FHIT: variants seen among roughly 807,000 people sequenced by gnomAD.
FHIT encodes the protein fragile histidine triad diadenosine triphosphatase.
Under a neutral mutation model 17.9 loss-of-function variants are expected in FHIT, and 19 were observed. The ratio of observed to expected loss-of-function variants is 1.06; its 90% CI spans 0.74 to 1.56. The LOEUF is 1.56. Ranked by LOEUF, FHIT falls within the 40% of genes most tolerant of loss-of-function variation. FHIT has a pLI of 0.00. For synonymous variants in FHIT, 81 were observed against 69.7 expected, an observed-to-expected ratio of 1.16 and a Z score of -0.81; for missense variants, 248 against 189.2, an observed-to-expected ratio of 1.31 and a Z score of -1.82.
chr3:60,237,554 G>C (rs1460908322), intron 5 of FHIT, among the ~76,000 whole-genome samples: 1 of 152,120 alleles, frequency 6.6e-6, no homozygotes, highest in African/African-American at 2.4e-5. Context: ...AGAATCCTGT[G>C]AAATAGAAAC....
chr3:60,804,776 C>T (rs925427548), intron 4 of FHIT, among the ~76,000 whole-genome samples: 2 of 152,200 alleles, frequency 1.3e-5, no homozygotes, highest in Non-Finnish European at 2.9e-5. Context: ...ACTGTCCTTC[C>T]TCCATTGCAC....
chr3:60,622,914 C>T (rs2039175035), intron 4 of FHIT, among the ~76,000 whole-genome samples: 2 of 152,228 alleles, frequency 1.3e-5, no homozygotes, highest in African/African-American at 4.8e-5. Flanking sequence ...TGCACCCAAC[C>T]AGGCAGGGAT....
At chr3:60,852,124 A>C (rs563691926) in intron 3 of FHIT, among the ~76,000 whole-genome samples, 1 of 152,084 alleles carries the variant, frequency 6.6e-6, no homozygotes, top group Non-Finnish European at 1.5e-5. Context: ...TGAAGGCTTG[A>C]TTAGGACAAA....
intron 2 of FHIT, among the ~76,000 whole-genome samples, chr3:61,185,533 C>G (rs1478664017): frequency 6.6e-6 from 1 of 152,190 alleles, no homozygotes; most frequent in East Asian, 1.9e-4. Context: ...GTCAGCATTC[C>G]AATCCATCCC....
At chr3:61,078,426 A>C (rs2035034490) in intron 2 of FHIT, among the ~76,000 whole-genome samples, 1 of 152,124 alleles carries the variant, frequency 6.6e-6, no homozygotes, top group Non-Finnish European at 1.5e-5. Flanking sequence ...CTACCAAAAA[A>C]GGGGGGCCTT....
In FHIT at chr3:60,016,346, T is replaced by C. The variant is rs190839020; in HGVS notation, c.104-2194A>G. 4.0e-3 allele frequency among the ~76,000 whole-genome samples: 604 copies of C among 152,320 alleles called. 10 individuals carry two copies. The highest frequency in any genetic ancestry group is 4.1e-3 in the Non-Finnish European group (276 of 68,036). On this transcript the variant is annotated intron_variant, in intron 5 of 9. Coordinates refer to ENST00000492590, the MANE Select transcript of FHIT (RefSeq NM_002012.4). ...GTCAATAGTTATAATTTAGGTTGTA[T>C]AGCTGACAAGGAGATTTCTCACAGT...
intron 2 of FHIT, among the ~76,000 whole-genome samples, chr3:61,068,659 G>A (rs924313043): frequency 2.7e-5 from 4 of 150,912 alleles, no homozygotes; most frequent in Admixed American, 2.0e-4. Context: ...GATATCTTTG[G>A]GGGGAGGGCG....
intron 1 of FHIT, among the ~76,000 whole-genome samples, chr3:61,240,279 G>T (rs1211400449): frequency 3.9e-5 from 6 of 152,266 alleles, no homozygotes; most frequent in African/African-American, 1.4e-4. Context: ...TCCCTCTTCT[G>T]AAGGTATCAG....
At chr3:60,690,784 C>T (rs1477737771) in intron 4 of FHIT, 3 of 343,322 alleles carry the variant, frequency 8.7e-6, no homozygotes, top group Non-Finnish European at 1.7e-5. Flanking sequence ...GAATTCTTAA[C>T]TTCAATTTCT....
intron 8 of FHIT, among the ~76,000 whole-genome samples, chr3:59,765,645 G>C (rs1185184086): frequency 6.6e-6 from 1 of 152,192 alleles, no homozygotes; most frequent in Non-Finnish European, 1.5e-5. Flanking sequence ...CATTGCGGTT[G>C]AGAAGATATA....
intron 5 of FHIT, among the ~76,000 whole-genome samples, chr3:60,380,347 CTA>C (rs1700746497): frequency 6.6e-6 from 1 of 152,204 alleles, no homozygotes; most frequent in Admixed American, 6.5e-5. Flanking sequence ...TGCCATGATA[CTA>C]AGTTTCCTCT....
At chr3:60,703,592 T>C (rs1354134753) in intron 4 of FHIT, among the ~76,000 whole-genome samples, 12 of 152,140 alleles carry the variant, frequency 7.9e-5, no homozygotes, top group African/African-American at 2.9e-4. Flanking sequence ...CATATGAAAA[T>C]GAAATTAGCA....
At chr3:60,635,310 A>C (rs1470299719) in intron 4 of FHIT, among the ~76,000 whole-genome samples, 1 of 152,150 alleles carries the variant, frequency 6.6e-6, no homozygotes, top group Non-Finnish European at 1.5e-5. Context: ...TTATGAATGC[A>C]TAAAGGCCAA....
At chr3:61,165,416 T>A (rs1465954895) in intron 2 of FHIT, among the ~76,000 whole-genome samples, 1 of 152,248 alleles carries the variant, frequency 6.6e-6, no homozygotes, top group Non-Finnish European at 1.5e-5. Context: ...CTCATATGTT[T>A]GTTGGCCACT....
intron 5 of FHIT, among the ~76,000 whole-genome samples, chr3:60,188,495 T>C (rs181959117): frequency 4.6e-5 from 7 of 152,270 alleles, no homozygotes; most frequent in African/African-American, 1.7e-4. Flanking sequence ...GAATGATTCC[T>C]TTTTCTCTGG....
chr3:60,279,989 G>C (rs1707352372), intron 5 of FHIT, among the ~76,000 whole-genome samples: 1 of 148,222 alleles, frequency 6.7e-6, no homozygotes, highest in Non-Finnish European at 1.5e-5. Context: ...CGGAGATCGT[G>C]CCACCGCACT....
intron 5 of FHIT, among the ~76,000 whole-genome samples, chr3:60,411,317 G>A (rs1702052517): frequency 6.6e-6 from 1 of 152,074 alleles, no homozygotes; most frequent in Non-Finnish European, 1.5e-5. Flanking sequence ...AATTAACAAA[G>A]AAAACAGCAT....
At chr3:60,838,144 GGCTGGAGAGT>G (rs1445765896) in intron 3 of FHIT, among the ~76,000 whole-genome samples, 2 of 152,132 alleles carry the variant, frequency 1.3e-5, no homozygotes, top group African/African-American at 4.8e-5. Flanking sequence ...GTGTCATCCA[GGCTGGAGAGT>G]GCAGTGATGC....
At chr3:59,757,967 A>G (rs1350251137) in intron 8 of FHIT, among the ~76,000 whole-genome samples, 1 of 152,196 alleles carries the variant, frequency 6.6e-6, no homozygotes, top group African/African-American at 2.4e-5. Flanking sequence ...AATAAGCCCA[A>G]GATCTTTGCC....
Sources: allele counts gnomAD v4.1 joint callset (sites outside exome capture counted in the v4.1 genomes callset), GRCh38; gene constraint gnomAD v4.1.1; transcripts MANE v1.5; gene names NCBI Gene and HGNC (gene_info 2026-07-23, HGNC 2026-07-21).